The following DCUN1D4 variants were observed in gnomAD, a reference collection of about 807,000 sequenced individuals.
DCUN1D4 encodes the protein defective in cullin neddylation 1 domain containing 4.
In DCUN1D4, 22 loss-of-function variants were observed where a neutral mutation model predicts 47.9. That is an observed-to-expected ratio of 0.46 (90% CI 0.33 to 0.66). The LOEUF (loss-of-function observed/expected upper bound fraction) is 0.66. DCUN1D4 is among the 30% of genes least tolerant of loss of function. The pLI, the probability that DCUN1D4 is intolerant of heterozygous loss-of-function variation, is 0.02. For missense variants in DCUN1D4, 301 were observed against 340.8 expected (o/e 0.88, Z 0.92); for synonymous variants, 121 against 112.2 (o/e 1.08, Z -0.50).
chr4:51,885,619 GA>G (rs1479478191), intron 5 of DCUN1D4, among the ~76,000 whole-genome samples: 6 of 152,288 alleles, frequency 3.9e-5, no homozygotes, highest in Non-Finnish European at 5.9e-5. Flanking sequence ...AAAGTAAGGG[GA>G]AAGTGTGGTC....
At chr4:51,843,150 C>A, upstream of DCUN1D4, 1 of 1,512,044 alleles carries the variant, frequency 6.6e-7, no homozygotes, top group Non-Finnish European at 8.8e-7. Context: ...GCGGCGGGTC[C>A]TCAGCTTCGA....
At chr4:51,852,415 A>AT (rs1424113912) in intron 1 of DCUN1D4, among the ~76,000 whole-genome samples, 1 of 152,028 alleles carries the variant, frequency 6.6e-6, no homozygotes, top group Non-Finnish European at 1.5e-5. Flanking sequence ...AATTATTTTT[A>AT]TTTTTTTTCC....
chr4:51,916,542 C>T lies in DCUN1D4; in HGVS notation c.*2958C>T, dbSNP rs1036071601. The T allele has an allele frequency of 6.6e-6, 1 of 152,534 alleles. No individual in the cohort carries two copies. The highest frequency in any genetic ancestry group is 1.5e-5 in the Non-Finnish European group (1 of 68,014). The allele number at this position is 152,534 out of a possible 1,614,324, so 9.4% of individuals were successfully genotyped here. On this transcript the variant is annotated 3_prime_UTR_variant, in exon 11 of 11. Coordinates refer to ENST00000334635, the MANE Select transcript of DCUN1D4 (RefSeq NM_001040402.3). ...ATAATAAATGTATAGATTTCATTGA[C>T]CAACTAAAATGTTGGGTGTCTGTAA...
intron 8 of DCUN1D4, chr4:51,909,120 G>C: frequency 2.5e-6 from 1 of 397,524 alleles, no homozygotes; most frequent in South Asian, 1.8e-5. Flanking sequence ...AGTCTGTCCA[G>C]GTCTTTTGTA....
chr4:51,864,289 G>A (rs1577895507), intron 3 of DCUN1D4, among the ~76,000 whole-genome samples: 1 of 152,166 alleles, frequency 6.6e-6, no homozygotes, highest in East Asian at 1.9e-4. Context: ...CCTATGTGAT[G>A]CTGATGGAGC....
the DCUN1D4 span, among the ~76,000 whole-genome samples, chr4:51,834,217 C>G: frequency 6.8e-6 from 1 of 147,066 alleles, no homozygotes; most frequent in African/African-American, 2.6e-5. Flanking sequence ...CCACAAGGAT[C>G]TGAGGGAATG....
At chr4:51,844,704 C>T (rs890292637) in intron 1 of DCUN1D4, among the ~76,000 whole-genome samples, 1 of 151,698 alleles carries the variant, frequency 6.6e-6, no homozygotes, top group Non-Finnish European at 1.5e-5. Flanking sequence ...GCTGGGAGGG[C>T]GCTTGAGGGG....
chr4:51,884,581 C>T (rs762308232), intron 5 of DCUN1D4: 10 of 152,142 alleles, frequency 6.6e-5, no homozygotes, highest in African/African-American at 1.7e-4. Context: ...TCATTTAGTC[C>T]TTCATTCAGT....
chr4:51,901,535 G>T (rs576588715), intron 8 of DCUN1D4, among the ~76,000 whole-genome samples: 1 of 152,236 alleles, frequency 6.6e-6, no homozygotes, highest in Non-Finnish European at 1.5e-5. Flanking sequence ...GGGAGTGCTG[G>T]GCCCTTGCCT....
intron 8 of DCUN1D4, chr4:51,908,929 G>C: frequency 2.2e-6 from 1 of 456,244 alleles, no homozygotes; most frequent in South Asian, 1.5e-5. Context: ...GGCCGAAGAT[G>C]GTGTTAGTGA....
intron 5 of DCUN1D4, 96 bp downstream of exon 5, chr4:51,877,950 T>C: frequency 1.2e-6 from 1 of 840,862 alleles, no homozygotes; most frequent in South Asian, 1.9e-5. Flanking sequence ...ACATTTCAAA[T>C]TTGGGTGTGT....
intron 6 of DCUN1D4, among the ~76,000 whole-genome samples, chr4:51,889,512 C>A (rs1319177171): frequency 6.6e-6 from 1 of 152,152 alleles, no homozygotes; most frequent in African/African-American, 2.4e-5. Flanking sequence ...TTTTTATGAA[C>A]TTTCCCATTA....
the DCUN1D4 span, among the ~76,000 whole-genome samples, chr4:51,834,099 CTTTCTTTTTTT>C: frequency 9.8e-5 from 4 of 40,830 alleles, no homozygotes; most frequent in Non-Finnish European, 1.6e-4. Context: ...TTCTTTTCTT[CTTTCTTTTTTT>C]TTTCTTTTTT....
chr4:51,905,316 T>A (rs1732712335), intron 8 of DCUN1D4: 2 of 425,274 alleles, frequency 4.7e-6, no homozygotes, highest in Admixed American at 4.8e-5. Context: ...GCCCTTGACG[T>A]CCAGGCCAGT....
intron 1 of DCUN1D4, chr4:51,860,509 A>G: frequency 4.5e-6 from 2 of 447,350 alleles, no homozygotes; most frequent in Non-Finnish European, 9.0e-6. Context: ...AATTTATAAA[A>G]GAAAAGAGGT....
chr4:51,863,966 C>G (rs1036999038), intron 3 of DCUN1D4, among the ~76,000 whole-genome samples: 1 of 152,166 alleles, frequency 6.6e-6, no homozygotes, highest in Non-Finnish European at 1.5e-5. Flanking sequence ...CTTGTTTTCT[C>G]TACTGCAGTA....
At chr4:51,912,130 C>G (rs914324862) in intron 9 of DCUN1D4, among the ~76,000 whole-genome samples, 2 of 152,242 alleles carry the variant, frequency 1.3e-5, no homozygotes, top group African/African-American at 4.8e-5. Context: ...TCTGTTTACC[C>G]AAAATAGTCC....
intron 8 of DCUN1D4, among the ~76,000 whole-genome samples, chr4:51,900,373 T>C (rs1365072456): frequency 2.6e-5 from 4 of 152,178 alleles, no homozygotes; most frequent in Non-Finnish European, 5.9e-5. Flanking sequence ...TTATTGATGT[T>C]AAAAACGATA....
In DCUN1D4 at chr4:51,867,754, C is replaced by G. The variant is rs182757592; in HGVS notation, c.136+4045C>G. 5.3e-5 allele frequency among the ~76,000 whole-genome samples: 8 copies of G among 152,348 alleles called. No homozygotes were observed. In the East Asian group the frequency reaches 1.4e-3, roughly 26 times the overall value. ...GGAAAAAGCACCATAAGTTCTCACT[C>G]TAGTCCCTGGAACTGGCAGCCCAGC... On this transcript the variant is annotated intron_variant, in intron 3 of 10. Transcript: ENST00000334635.
Sources: allele counts gnomAD v4.1 joint callset (sites outside exome capture counted in the v4.1 genomes callset), GRCh38; gene constraint gnomAD v4.1.1; transcripts MANE v1.5; gene names NCBI Gene and HGNC (gene_info 2026-07-23, HGNC 2026-07-21).